The following SPRING1 variants were observed in gnomAD, a reference collection of about 807,000 sequenced individuals.
The protein encoded by SPRING1 is SREBF pathway regulator in golgi 1.
A neutral mutation model predicts 24.7 loss-of-function variants in SPRING1; 14 were observed. The observed-to-expected ratio is 0.57, with a 90% CI of 0.37 to 0.88. The LOEUF (loss-of-function observed/expected upper bound fraction) is 0.88, where lower values mean the gene tolerates loss of function less well. Ranked by LOEUF, SPRING1 falls within the 40% of genes least tolerant of loss-of-function variation. The pLI, the probability that SPRING1 is intolerant of heterozygous loss-of-function variation, is 0.00. For missense variants in SPRING1, 255 were observed against 268.4 expected, an observed-to-expected ratio of 0.95 and a Z score of 0.35; for synonymous variants, 93 against 106.1, an observed-to-expected ratio of 0.88 and a Z score of 0.76.
Position 116,719,793 on chromosome 12 carries a change from C to T in SPRING1, c.504G>A (p.Leu168=), listed in dbSNP as rs150275614. The T allele has an allele frequency of 1.1e-3, 1,810 of 1,614,192 alleles. 10 individuals carry two copies. In the Middle Eastern group the frequency reaches 0.027, roughly 24 times the overall value. The change falls in exon 4 of 5, where the codon TTG becomes TTA. Residue 168 remains leucine, a synonymous_variant. Transcript: ENST00000261318. The part of the protein sequence containing the change: ...LFMAVEDHFE[L]CLAKCRTSSQ... ...ATGAGGTCCTGCATTTGGCCAGGCA[C>T]AACTCAAAGTGATCTTCGACTGCCA...
At position 116,738,035 on chromosome 12, in the gene SPRING1, T is replaced by C. The variant is rs948574438; in HGVS notation, c.-135A>G. On this transcript the variant is annotated 5_prime_UTR_variant, in exon 1 of 5. Transcript: ENST00000261318. ...CGGCCCCGCCGCCCGCAGCCCAGTC[T>C]GCTCCCGGCAGCCTTGGGCGCAGCC... 2.7e-6 allele frequency: 3 copies of C among 1,097,138 alleles called. No individual in the cohort carries two copies. The highest frequency in any genetic ancestry group is 3.3e-6 in the Non-Finnish European group (3 of 902,552). The allele number at this position is 1,097,138 out of a possible 1,614,324, so 68.0% of individuals were successfully genotyped here. A position where few individuals can be genotyped will look rare whatever the true frequency, so the allele number is the denominator to read the frequency against.
chr12:116,720,475 A>G lies in SPRING1; in HGVS notation c.269-28T>C, dbSNP rs1870374778. 1 of 1,611,012 alleles carries G rather than the reference A, an allele frequency of 6.2e-7. No homozygotes were observed. The highest frequency in any genetic ancestry group is 1.7e-5 in the Admixed American group (1 of 59,688). On this transcript the variant is annotated intron_variant, in intron 2 of 4. Coordinates refer to ENST00000261318, the MANE Select transcript of SPRING1 (RefSeq NM_024738.4). The surrounding 1 kb of genome is among the most constrained non-coding windows in gnomAD (Gnocchi z 4.0). Reference sequence around the variant, plus strand: ...GAAAGTCAGAGACCAACCTTAGCATAAAACCAGCAGCCTTGCCACCTCCCT... The same window carrying G: ...GAAAGTCAGAGACCAACCTTAGCATGAAACCAGCAGCCTTGCCACCTCCCT...
In SPRING1 at chr12:116,723,127, G is replaced by A. The variant is rs1460601805; in HGVS notation, c.208C>T (p.Arg70Cys). 8 of 1,613,172 alleles carry A rather than the reference G, an allele frequency of 5.0e-6. No homozygotes were observed. The highest frequency in any genetic ancestry group is 1.7e-5 in the Admixed American group (1 of 60,026). The change falls in exon 2 of 5, where the codon CGT becomes TGT. Residue 70 changes from arginine to cysteine, a missense_variant. By Grantham distance (180) the Arg-to-Cys change is radical (BLOSUM62 -3). Transcript: ENST00000261318. ...KVQFNLGNSS[R>C]PSNQCRNSIQ... ...GAGTTGCGGCACTGATTGCTCGGAC[G>A]ACTGCTATTGCCCAAGTTAAACTGC...
chr12:116,723,504 T>C (rs1184798318), intron 1 of SPRING1, among the ~76,000 whole-genome samples: 1 of 152,232 alleles, frequency 6.6e-6, no homozygotes, highest in African/African-American at 2.4e-5. Context: ...GTGTTAATTT[T>C]ATGAAAAAAT....
intron 1 of SPRING1, among the ~76,000 whole-genome samples, chr12:116,736,268 TAGAG>T (rs1566063222): frequency 6.6e-6 from 1 of 151,932 alleles, no homozygotes; most frequent in African/African-American, 2.4e-5. Context: ...CTGAGTCAGA[TAGAG>T]AGGAAGGCAG....
intron 1 of SPRING1, among the ~76,000 whole-genome samples, chr12:116,727,641 C>A (rs1302433904): frequency 3.3e-5 from 5 of 152,060 alleles, no homozygotes; most frequent in Non-Finnish European, 7.4e-5. Context: ...CTAAATGCAG[C>A]CTGATAATGG....
chr12:116,737,784 A>T lies in SPRING1; in HGVS notation c.111+6T>A. The T allele has an allele frequency of 1.9e-6, 3 of 1,579,728 alleles. No individual in the cohort carries two copies. The highest frequency in any genetic ancestry group is 2.6e-6 in the Non-Finnish European group (3 of 1,162,108). On this transcript the variant is annotated splice_donor_region_variant and intron_variant, in intron 1 of 4. Transcript: ENST00000261318. ...GAAGGGGAGGAGGGGAAGGGCGGCC[A>T]CTGACCTGCTTGAAGGTGCTGCTGA...
At chr12:116,737,619 GGGAA>G (rs1871328926) in intron 1 of SPRING1, among the ~76,000 whole-genome samples, 167 bp downstream of exon 1, 1 of 148,012 alleles carries the variant, frequency 6.8e-6, no homozygotes, top group Non-Finnish European at 1.5e-5. Context: ...GTAGGAAGAA[GGGAA>G]GGAAGGAGGA....
Position 116,720,235 on chromosome 12 carries a change from C to T in SPRING1, c.420+61G>A. 1 of 1,526,608 alleles carries T rather than the reference C, an allele frequency of 6.6e-7. No individual in the cohort carries two copies. Among genetic ancestry groups the T allele is most frequent in the South Asian group, 1.3e-5 (1 of 77,016 alleles). 94.6% of individuals were successfully genotyped at this position (1,526,608 alleles called of 1,614,324 possible). A position where few individuals can be genotyped will look rare whatever the true frequency, so the allele number is the denominator to read the frequency against. On this transcript the variant is annotated intron_variant, in intron 3 of 4. Coordinates refer to ENST00000261318, the MANE Select transcript of SPRING1 (RefSeq NM_024738.4). This position sits in a 1 kb window ranked among gnomAD's most constrained non-coding sequence, Gnocchi z 4.0. ...AATCTCACATGAAGAGCCTAATGCT[C>T]ATCATAAAACAGAGGCCGAAAGAAA...
At chr12:116,721,766 A>C (rs755008286) in intron 2 of SPRING1, among the ~76,000 whole-genome samples, 8 of 152,250 alleles carry the variant, frequency 5.3e-5, no homozygotes, top group Non-Finnish European at 1.2e-4. Flanking sequence ...CAAAATAATA[A>C]ACACATAGCA....
rs1470693767 is a variant in SPRING1 at position 116,728,117 on chromosome 12, C to T, written c.112-4894G>A. Reference sequence around the variant, plus strand: ...ACACGTATGAGAACATCTGGTTACACGAGAGGAACTCTAAGGACCCTTCTG... The same window carrying T: ...ACACGTATGAGAACATCTGGTTACATGAGAGGAACTCTAAGGACCCTTCTG... On this transcript the variant is annotated intron_variant, in intron 1 of 4. Transcript: ENST00000261318. This position sits in a 1 kb window ranked among gnomAD's most constrained non-coding sequence, Gnocchi z 4.2. 4.6e-5 allele frequency among the ~76,000 whole-genome samples: 7 copies of T among 152,162 alleles called. No homozygotes were observed. Among genetic ancestry groups the T allele is most frequent in the East Asian group, 1.9e-4 (1 of 5,196 alleles).
At chr12:116,729,938 C>A (rs777069048) in intron 1 of SPRING1, among the ~76,000 whole-genome samples, 3 of 152,100 alleles carry the variant, frequency 2.0e-5, no homozygotes, top group African/African-American at 7.2e-5. Context: ...CTCGCTCTGT[C>A]GCCCAGGCTG....
intron 4 of SPRING1, among the ~76,000 whole-genome samples, chr12:116,718,326 T>A (rs956501449): frequency 1.3e-5 from 2 of 152,226 alleles, no homozygotes; most frequent in African/African-American, 4.8e-5. Context: ...TTTCATAAAG[T>A]TTATGTACCT....
Position 116,717,035 on chromosome 12 carries a change from C to T in SPRING1, c.*775G>A, listed in dbSNP as rs577065978. 3 of 152,278 alleles carry T rather than the reference C, an allele frequency of 2.0e-5. No individual in the cohort carries two copies. The South Asian group carries it at 6.2e-4, about 32-fold the overall frequency. 9.4% of individuals were successfully genotyped at this position (152,278 alleles called of 1,614,324 possible). A position where few individuals can be genotyped will look rare whatever the true frequency, so the allele number is the denominator to read the frequency against. On this transcript the variant is annotated 3_prime_UTR_variant, in exon 5 of 5. Transcript: ENST00000261318. This position sits in a 1 kb window ranked among gnomAD's most constrained non-coding sequence, Gnocchi z 4.2. ...AGATTTCTGCTAAAACAGTGCTCTC[C>T]ATAGGGTATATGAGCACATTCGACT...
At chr12:116,730,988 A>G (rs983751740) in intron 1 of SPRING1, among the ~76,000 whole-genome samples, 22 of 152,368 alleles carry the variant, frequency 1.4e-4, no homozygotes, top group East Asian at 9.6e-4. Flanking sequence ...ATAGTGTTCC[A>G]TGAAAAAAAG....
chr12:116,723,085 G>C lies in SPRING1; in HGVS notation c.250C>G (p.Leu84Val). ...QCRNSIQGKH[L>V]ITDELGYVCE... ...GCCTCACCGAGTTCATCCGTGATGA[G>C]GTGCTTCCCTTGAATGGAGTTGCGG... Residue 84 changes from leucine (L) to valine (V), a missense_variant, in exon 2 of 5, where the codon CTC becomes GTC. Leu to Val is a conservative substitution (Grantham distance 32). Transcript: ENST00000261318. The C allele has an allele frequency of 6.2e-7, 1 of 1,612,500 alleles. No homozygotes were observed. The highest frequency in any genetic ancestry group is 2.2e-5 in the East Asian group (1 of 44,888).
In SPRING1 at chr12:116,720,534, C is replaced by T; in HGVS notation, c.269-87G>A. On this transcript the variant is annotated intron_variant, in intron 2 of 4. Coordinates refer to ENST00000261318, the MANE Select transcript of SPRING1 (RefSeq NM_024738.4). This position sits in a 1 kb window ranked among gnomAD's most constrained non-coding sequence, Gnocchi z 4.0. ...TGACCATGAAGCAGCAGTGAAAGTA[C>T]ACAGACAGAAGCTGGAGTCTGGGGC... The T allele has an allele frequency of 6.5e-7, 1 of 1,530,272 alleles. No homozygotes were observed. The highest frequency in any genetic ancestry group is 8.9e-7 in the Non-Finnish European group (1 of 1,124,992). The allele number at this position is 1,530,272 out of a possible 1,614,324, so 94.8% of individuals were successfully genotyped here. A position where few individuals can be genotyped will look rare whatever the true frequency, so the allele number is the denominator to read the frequency against.
rs1870118673 is a variant in SPRING1 at position 116,716,131 on chromosome 12, A to G, written c.*1679T>C. 1 of 152,198 alleles carries G rather than the reference A, an allele frequency of 6.6e-6. No homozygotes were observed. The highest frequency in any genetic ancestry group is 1.5e-5 in the Non-Finnish European group (1 of 68,024). 9.4% of individuals were successfully genotyped at this position (152,198 alleles called of 1,614,324 possible). ...TCAGAGTTCGATGTAGTCCTGCTGC[A>G]AACACATGGAATCCGAGAAGTCCAA... On this transcript the variant is annotated 3_prime_UTR_variant, in exon 5 of 5. Transcript: ENST00000261318.
In SPRING1 at chr12:116,720,100, C is replaced by CAAAAGA; in HGVS notation, c.420+190_420+195dup. The CAAAAGA allele has an allele frequency of 1.3e-6, 1 of 775,150 alleles. No homozygotes were observed. The highest frequency in any genetic ancestry group is 2.0e-5 in the South Asian group (1 of 50,958). 48.0% of individuals were successfully genotyped at this position (775,150 alleles called of 1,614,324 possible). A position where few individuals can be genotyped will look rare whatever the true frequency, so the allele number is the denominator to read the frequency against. On this transcript the variant is annotated intron_variant, in intron 3 of 4. Transcript: ENST00000261318. This position sits in a 1 kb window ranked among gnomAD's most constrained non-coding sequence, Gnocchi z 4.0. ...ATTAGCAATACAATGATCCATTCTG[C>CAAAAGA]AAAAGAACCATTCAAGCAACTGGGA... is the stretch of plus-strand genomic sequence containing the variant.
Sources: allele counts gnomAD v4.1 joint callset (sites outside exome capture counted in the v4.1 genomes callset), GRCh38; gene constraint gnomAD v4.1.1; non-coding constraint Gnocchi (gnomAD v3.1); transcripts MANE v1.5; gene names NCBI Gene and HGNC (gene_info 2026-07-23, HGNC 2026-07-21).